Variants in CP observed in about 807,000 individuals in gnomAD.
CP encodes ceruloplasmin.
Under a neutral mutation model 122.4 loss-of-function variants are expected in CP, and 64 were observed. The ratio of observed to expected loss-of-function variants is 0.52; its 90% CI spans 0.43 to 0.64. The LOEUF (loss-of-function observed/expected upper bound fraction) is 0.64. CP is among the 30% of genes least tolerant of loss of function. The pLI is 0.00. For synonymous variants in CP, 440 were observed against 436.4 expected (o/e 1.01, Z -0.10); for missense variants, 1,167 against 1,284.4 (o/e 0.91, Z 1.40).
intron 18 of CP, 117 bp from the exon 19 acceptor site, chr3:149,173,847 A>T: frequency 1.9e-6 from 1 of 526,512 alleles, no homozygotes; most frequent in African/African-American, 2.0e-5. Flanking sequence ...ATTCATTTAT[A>T]TTTTTCTGCT....
rs116496926 is a variant in CP at position 149,210,059 on chromosome 3, C to T, written c.607+108G>A. ...TTTTTTTCTACTTACCACCTCTCTA[C>T]CTTACCTGCTCAATCTCAGCACAGA... On this transcript the variant is annotated intron_variant, in intron 3 of 18. Transcript: ENST00000264613. 5.2e-4 allele frequency: 565 copies of T among 1,096,244 alleles called. 1 individual carries two copies. The African/African-American group carries it at 7.8e-3, about 15-fold the overall frequency. The allele number at this position is 1,096,244 out of a possible 1,614,324, so 67.9% of individuals were successfully genotyped here.
Position 149,188,096 on chromosome 3 carries a change from A to C in CP, c.1820T>G (p.Val607Gly), listed in dbSNP as rs2640038. 1 of 1,612,382 alleles carries C rather than the reference A, an allele frequency of 6.2e-7. No individual in the cohort carries two copies. The change falls in exon 10 of 19, where the codon GTG (valine) becomes GGG (glycine). Residue 607 changes from valine to glycine, a missense_variant. This residue lies in a region of CP where 525 missense variants were observed against 657.2 expected (regional missense o/e 0.80). Coordinates refer to ENST00000264613, the MANE Select transcript of CP (RefSeq NM_000096.4). Reference protein sequence around the residue: ...IRMFTTAPDQVDKEDEDFQES... With the variant: ...IRMFTTAPDQGDKEDEDFQES... ...CTGAAAGTCTTCATCTTCCTTATCC[A>C]CCTGATCAGGTGCAGTTGTAAACAT...
intron 6 of CP, among the ~76,000 whole-genome samples, chr3:149,205,420 T>G (rs1727642263): frequency 6.6e-6 from 1 of 150,842 alleles, no homozygotes; most frequent in Non-Finnish European, 1.5e-5. Flanking sequence ...AGCAGAGATT[T>G]GAACAGTGAT....
chr3:149,194,197 C>CT (rs149437340), intron 9 of CP, among the ~76,000 whole-genome samples: 8,252 of 146,168 alleles, frequency 0.056, 731 homozygotes, highest in African/African-American at 0.19. Context: ...AGTAGAAAAC[C>CT]TTTTTTTTTT....
chr3:149,216,900 C>CTTT (rs201368226), intron 1 of CP, among the ~76,000 whole-genome samples: 2 of 129,596 alleles, frequency 1.5e-5, no homozygotes, highest in African/African-American at 5.7e-5. Flanking sequence ...CTATTGCTTG[C>CTTT]TTTTTTTTTT....
intron 2 of CP, 103 bp downstream of exon 2, chr3:149,212,348 C>T (rs1728172375): frequency 1.7e-6 from 2 of 1,182,938 alleles, no homozygotes; most frequent in Admixed American, 2.2e-5. Flanking sequence ...AGCTGAATGG[C>T]AGTTATATGT....
At chr3:149,198,294 A>T in intron 9 of CP, 73 bp downstream of exon 9, 1 of 1,170,930 alleles carries the variant, frequency 8.5e-7, no homozygotes, top group Non-Finnish European at 1.3e-6. Context: ...TGATGAGGTT[A>T]GATATTTCTA....
chr3:149,170,158 A>G (rs1156289698), downstream of CP, among the ~76,000 whole-genome samples: 1 of 152,202 alleles, frequency 6.6e-6, no homozygotes, highest in African/African-American at 2.4e-5. Flanking sequence ...ATTAATTTTT[A>G]AAGTACTCTG....
chr3:149,163,625 A>G (rs763092725), intron 5 of CP, among the ~76,000 whole-genome samples: 2 of 152,166 alleles, frequency 1.3e-5, no homozygotes, highest in Non-Finnish European at 2.9e-5. Flanking sequence ...GAGTATTTAC[A>G]TTTTAAAATA....
At chr3:149,192,262 A>G (rs949517234) in intron 9 of CP, among the ~76,000 whole-genome samples, 2 of 152,216 alleles carry the variant, frequency 1.3e-5, no homozygotes, top group South Asian at 4.1e-4. Context: ...AAGATTTACA[A>G]TATGTTAAAG....
chr3:149,173,587 G>A lies in CP; in HGVS notation c.*127C>T. On this transcript the variant is annotated 3_prime_UTR_variant, in exon 19 of 19. Coordinates refer to ENST00000264613, the MANE Select transcript of CP (RefSeq NM_000096.4). ...TTTTCCCCCACAAATGTACAAAGTTGTATGCTTCCAGTCTTCTTTTAATGT... is the reference window on the plus strand; with the variant it reads ...TTTTCCCCCACAAATGTACAAAGTTATATGCTTCCAGTCTTCTTTTAATGT... 3.0e-6 allele frequency: 2 copies of A among 663,380 alleles called. No homozygotes were observed. The highest frequency in any genetic ancestry group is 2.6e-6 in the Non-Finnish European group (1 of 384,282). 41.1% of individuals were successfully genotyped at this position (663,380 alleles called of 1,614,324 possible).
chr3:149,211,926 C>A (rs1243531641), intron 2 of CP, among the ~76,000 whole-genome samples: 1 of 152,176 alleles, frequency 6.6e-6, no homozygotes, highest in African/African-American at 2.4e-5. Flanking sequence ...GAAATTCTCT[C>A]ACATTCACAC....
chr3:149,192,452 C>A (rs1726598885), intron 9 of CP, among the ~76,000 whole-genome samples: 1 of 150,606 alleles, frequency 6.6e-6, no homozygotes, highest in South Asian at 2.1e-4. Flanking sequence ...ATTTACTTAC[C>A]TATAGAATAG....
At chr3:149,193,641 T>G (rs1029281028) in intron 9 of CP, among the ~76,000 whole-genome samples, 31 of 152,212 alleles carry the variant, frequency 2.0e-4, no homozygotes, top group African/African-American at 7.5e-4. Context: ...GGTCAGGAAC[T>G]TGCTTTAGAA....
At chr3:149,195,087 A>G (rs1166200376) in intron 9 of CP, among the ~76,000 whole-genome samples, 2 of 152,234 alleles carry the variant, frequency 1.3e-5, no homozygotes, top group Non-Finnish European at 2.9e-5. Flanking sequence ...GTAACTAGAT[A>G]GCCATACAGA....
intron 6 of CP, 46 bp downstream of exon 6, chr3:149,206,122 C>T (rs771546098): frequency 3.3e-5 from 52 of 1,573,146 alleles, no homozygotes; most frequent in Admixed American, 1.8e-4. Flanking sequence ...TTCCTTTGTG[C>T]GGGGGAGAGC....
At chr3:149,178,905 G>A (rs1227556603) in intron 15 of CP, among the ~76,000 whole-genome samples, 1 of 152,168 alleles carries the variant, frequency 6.6e-6, no homozygotes, top group Non-Finnish European at 1.5e-5. Context: ...GATTTTAAAA[G>A]AATCCCAAAT....
rs368341636 is a variant in CP at position 149,178,472 on chromosome 3, G to A, written c.2821C>T (p.His941Tyr). ...TCATCTTTGTTTACTTTCTCGGGGTGATCAGAGTATGTTTTGATGTTGTCA... is the reference window on the plus strand; with the variant it reads ...TCATCTTTGTTTACTTTCTCGGGGTAATCAGAGTATGTTTTGATGTTGTCA... ...LDDNIKTYSD[H>Y]PEKVNKDDEE... is the part of the protein sequence containing the mutation. The change falls in exon 16 of 19, where the codon CAC becomes TAC. Residue 941 changes from histidine to tyrosine, a missense_variant. Coordinates refer to ENST00000264613, the MANE Select transcript of CP (RefSeq NM_000096.4). 2 of 1,613,354 alleles carry A rather than the reference G, an allele frequency of 1.2e-6. No homozygotes were observed. The highest frequency in any genetic ancestry group is 1.7e-6 in the Non-Finnish European group (2 of 1,179,546).
intron 4 of CP, chr3:149,167,253 A>C: frequency 6.3e-7 from 1 of 1,599,806 alleles, no homozygotes; most frequent in East Asian, 2.2e-5. Flanking sequence ...ATGCTTTTTC[A>C]GATTATGTTT....
Sources: gnomAD v4.1 joint callset for allele counts (sites outside exome capture counted in the v4.1 genomes callset) on GRCh38, gnomAD v4.1.1 for gene constraint, gnomAD v4.1.1 regional missense constraint, MANE v1.5 for transcripts, NCBI Gene and HGNC (gene_info 2026-07-23, HGNC 2026-07-21) for gene names.